PDIA3: variants seen among roughly 807,000 people sequenced by gnomAD.
PDIA3 encodes the protein protein disulfide isomerase family A member 3, also known as protein disulfide-isomerase A3.
Under a neutral mutation model 56.9 loss-of-function variants are expected in PDIA3, and 16 were observed. That is an observed-to-expected ratio of 0.28 (90% CI 0.19 to 0.43). The LOEUF is 0.43. Among genes scored for constraint, PDIA3 ranks in the 20% least tolerant of loss-of-function variants. The probability of loss-of-function intolerance (pLI) is 1.00; values close to 1 mark genes in which losing one functional copy is unlikely to be tolerated. For synonymous variants in PDIA3, 192 were observed against 216.5 expected (o/e 0.89, Z 0.99); for missense variants, 485 against 621.3 (o/e 0.78, Z 2.33).
rs996969763 is a variant in PDIA3, at chr15:43,753,871, C to G, written c.215C>G (p.Thr72Ser). The G allele has an allele frequency of 6.2e-7, 1 of 1,613,178 alleles. No individual in the cohort carries two copies. The change falls in exon 2 of 13, where the codon ACC becomes AGC. Residue 72 changes from threonine to serine, a missense_variant. By Grantham distance (58) the Thr-to-Ser change is moderately conservative (BLOSUM62 1). Transcript: ENST00000300289. ...GCACCTGAGTATGAAGCTGCAGCTACCAGATTAAAAGGAATAGTCCCATTA... is the reference window on the plus strand; with the variant it reads ...GCACCTGAGTATGAAGCTGCAGCTAGCAGATTAAAAGGAATAGTCCCATTA... Reference protein sequence around the residue: ...RLAPEYEAAATRLKGIVPLAK... With the variant: ...RLAPEYEAAASRLKGIVPLAK...
intron 3 of PDIA3, among the ~76,000 whole-genome samples, 194 bp downstream of exon 3, chr15:43,756,960 T>C (rs531286551): frequency 6.6e-6 from 1 of 152,336 alleles, no homozygotes; most frequent in African/African-American, 2.4e-5. Context: ...ATACACAAAC[T>C]TGATTTATAA....
At chr15:43,753,040 C>T (rs2086754780) in intron 1 of PDIA3, 1 of 362,454 alleles carries the variant, frequency 2.8e-6, no homozygotes, top group South Asian at 2.0e-5. Context: ...GACTTAATAT[C>T]ATACTTGAGA....
At chr15:43,760,141 A>G (rs1004115028) in intron 3 of PDIA3, among the ~76,000 whole-genome samples, 3 of 152,140 alleles carry the variant, frequency 2.0e-5, no homozygotes, top group Non-Finnish European at 4.4e-5. Context: ...CTGAAATCCC[A>G]GCACTTTGGG....
chr15:43,764,482 T>G (rs2086836110), intron 5 of PDIA3, among the ~76,000 whole-genome samples: 1 of 152,188 alleles, frequency 6.6e-6, no homozygotes, highest in Admixed American at 6.5e-5. Flanking sequence ...TTTTTATTTT[T>G]TTCAGACAGA....
chr15:43,773,047 A>G lies in PDIA3; in HGVS notation c.*1829A>G, dbSNP rs2086890504. The G allele has an allele frequency of 2.2e-6, 3 of 1,391,760 alleles. No individual in the cohort carries two copies. The highest frequency in any genetic ancestry group is 2.2e-5 in the Admixed American group (1 of 44,840). The allele number at this position is 1,391,760 out of a possible 1,614,324, so 86.2% of individuals were successfully genotyped here. A position where few individuals can be genotyped will look rare whatever the true frequency, so the allele number is the denominator to read the frequency against. On this transcript the variant is annotated 3_prime_UTR_variant, in exon 13 of 13. Coordinates refer to ENST00000300289, the MANE Select transcript of PDIA3 (RefSeq NM_005313.5). ...TAAGAAAAGCAGATAGTTGCATTCTATTTAGTTTATAGCTGCTTTGTTCCT... is the reference window on the plus strand; with the variant it reads ...TAAGAAAAGCAGATAGTTGCATTCTGTTTAGTTTATAGCTGCTTTGTTCCT...
chr15:43,763,607 G>A (rs2086830950), intron 5 of PDIA3, among the ~76,000 whole-genome samples: 1 of 152,030 alleles, frequency 6.6e-6, no homozygotes. Context: ...GTACTTTCAA[G>A]GCATTATGCT....
Position 43,765,971 on chromosome 15 carries a change from C to G in PDIA3, c.804C>G (p.Asp268Glu). The G allele has an allele frequency of 6.2e-7, 1 of 1,613,250 alleles. No individual in the cohort carries two copies. The highest frequency in any genetic ancestry group is 8.5e-7 in the Non-Finnish European group (1 of 1,179,534). Residue 268 changes from aspartate to glutamate, a missense_variant, in exon 7 of 13, where the codon GAC (aspartate) becomes GAG (glutamate). Physicochemically the swap from Asp to Glu is conservative, Grantham distance 45 (BLOSUM62 2). Coordinates refer to ENST00000300289, the MANE Select transcript of PDIA3 (RefSeq NM_005313.5). ...TACTTATTGCTTACTATGATGTGGA[C>G]TATGAAAAGAACGCTAAAGGTTCCA... ...KDLLIAYYDVDYEKNAKGSNY... is the reference protein window; with the variant it reads ...KDLLIAYYDVEYEKNAKGSNY...
intron 1 of PDIA3, among the ~76,000 whole-genome samples, chr15:43,747,883 A>G (rs530696577): frequency 6.6e-6 from 1 of 152,274 alleles, no homozygotes; most frequent in Admixed American, 6.5e-5. Context: ...AGAGATGGCA[A>G]ATTTTGTTTG....
intron 2 of PDIA3, among the ~76,000 whole-genome samples, chr15:43,754,392 C>CAA (rs1048781007): frequency 1.9e-3 from 95 of 51,154 alleles, no homozygotes; most frequent in African/African-American, 6.0e-3. Context: ...GACTCCGTCT[C>CAA]AAAAAAAAAA....
chr15:43,749,201 C>T (rs980747544), intron 1 of PDIA3, among the ~76,000 whole-genome samples: 22 of 152,120 alleles, frequency 1.4e-4, no homozygotes, highest in Admixed American at 1.3e-3. Flanking sequence ...TCAAGTGATT[C>T]TCCTGCCTCA....
intron 10 of PDIA3, 87 bp from the exon 11 acceptor site, chr15:43,770,163 T>G: frequency 4.3e-5 from 46 of 1,057,800 alleles, no homozygotes; most frequent in Non-Finnish European, 6.1e-5. Flanking sequence ...GTTTGAAGAA[T>G]GAGATTGTTT....
chr15:43,746,473 G>A lies in PDIA3; in HGVS notation c.-67G>A. ...GCGCAAGCAGCGGGTTAGTGGTCGC[G>A]CGCCCGACCTCCGCAGTCCCAGCCG... On this transcript the variant is annotated 5_prime_UTR_variant, in exon 1 of 13. Coordinates refer to ENST00000300289, the MANE Select transcript of PDIA3 (RefSeq NM_005313.5). The A allele has an allele frequency of 1.5e-6, 2 of 1,379,080 alleles. No individual in the cohort carries two copies. The highest frequency in any genetic ancestry group is 1.9e-6 in the Non-Finnish European group (2 of 1,049,358). 85.4% of individuals were successfully genotyped at this position (1,379,080 alleles called of 1,614,324 possible).
intron 6 of PDIA3, 139 bp downstream of exon 6, chr15:43,765,705 A>G: frequency 1.2e-6 from 1 of 848,730 alleles, no homozygotes; most frequent in South Asian, 1.6e-5. Context: ...AGTTTATATT[A>G]AAGCAGTAAT....
rs184032459 is a variant in PDIA3, at chr15:43,768,575, A to G, written c.1115A>G (p.Glu372Gly). 4 of 1,610,670 alleles carry G rather than the reference A, an allele frequency of 2.5e-6. No individual in the cohort carries two copies. In the East Asian group the frequency reaches 6.7e-5, roughly 27 times the overall value. The change falls in exon 9 of 13, where the codon GAG becomes GGG. Residue 372 changes from glutamate (E) to glycine (G), a missense_variant. By Grantham distance (98) the Glu-to-Gly change is moderately conservative. Transcript: ENST00000300289. Reference sequence around the variant, plus strand: ...TACCTGAAGTCTGAACCTATCCCAGAGAGCAATGATGGGCCTGTGAAGGTG... The same window carrying G: ...TACCTGAAGTCTGAACCTATCCCAGGGAGCAATGATGGGCCTGTGAAGGTG... ...KRYLKSEPIP[E>G]SNDGPVKVVV...
At chr15:43,752,888 AC>A (rs369718851) in intron 1 of PDIA3, 1 of 471,050 alleles carries the variant, frequency 2.1e-6, no homozygotes, top group African/African-American at 2.0e-5. Flanking sequence ...AGCTGTATAT[AC>A]ACTGATTAGG....
intron 3 of PDIA3, among the ~76,000 whole-genome samples, chr15:43,761,092 A>T (rs1439565445): frequency 1.3e-5 from 2 of 151,746 alleles, no homozygotes; most frequent in African/African-American, 4.8e-5. Context: ...TACAAAAAAA[A>T]GTAGCCGGGC....
intron 5 of PDIA3, among the ~76,000 whole-genome samples, chr15:43,763,621 TGCCCAGA>T (rs1486580981): frequency 1.3e-5 from 2 of 152,168 alleles, no homozygotes; most frequent in Admixed American, 6.5e-5. Flanking sequence ...TTATGCTACA[TGCCCAGA>T]AACTATTGCT....
chr15:43,766,036 T>C lies in PDIA3; in HGVS notation c.845+24T>C, dbSNP rs750888535. ...AGGTAATAAGAATTATGTTTTTCCC[T>C]CATGAACAAGTTTACCCAATGTATA... On this transcript the variant is annotated intron_variant, in intron 7 of 12. Transcript: ENST00000300289. 3 of 1,609,700 alleles carry C rather than the reference T, an allele frequency of 1.9e-6. No individual in the cohort carries two copies. In the South Asian group the frequency reaches 3.3e-5, roughly 18 times the overall value.
intron 3 of PDIA3, 61 bp from the exon 4 acceptor site, chr15:43,761,363 A>C (rs2086814901): frequency 1.1e-6 from 1 of 881,002 alleles, no homozygotes; most frequent in African/African-American, 1.7e-5. Context: ...ATGATGAATA[A>C]TTGCCTTCTC....
Sources: gnomAD v4.1 joint callset for allele counts (sites outside exome capture counted in the v4.1 genomes callset) on GRCh38, gnomAD v4.1.1 for gene constraint, MANE v1.5 for transcripts, NCBI Gene and HGNC (gene_info 2026-07-23, HGNC 2026-07-21) for gene names.